Variants in IGF1R observed in about 807,000 individuals in gnomAD.
IGF1R encodes insulin-like growth factor 1 receptor.
IGF1R carries 44 observed loss-of-function variants against 144.6 expected under a neutral mutation model. The ratio of observed to expected loss-of-function variants is 0.30; its 90% CI spans 0.24 to 0.39. The LOEUF (loss-of-function observed/expected upper bound fraction) is 0.39. Among genes scored for constraint, IGF1R ranks in the 10% least tolerant of loss-of-function variants. The probability of loss-of-function intolerance (pLI) is 1.00; values close to 1 mark genes in which losing one functional copy is unlikely to be tolerated. For missense variants in IGF1R, 1,355 were observed against 1,833.7 expected (o/e 0.74, Z 4.77); for synonymous variants, 795 against 722.8 (o/e 1.10, Z -1.60).
At chr15:98,888,903 C>T (rs954809081) in intron 2 of IGF1R, among the ~76,000 whole-genome samples, 5 of 152,214 alleles carry the variant, frequency 3.3e-5, no homozygotes, top group African/African-American at 1.2e-4. Flanking sequence ...TCTCGCTTCA[C>T]CATTCTTGAT....
chr15:98,957,612 G>C lies in IGF1R; in HGVS notation c.*170G>C, dbSNP rs1024898041. 3.9e-6 allele frequency: 3 copies of C among 767,466 alleles called. No individual in the cohort carries two copies. The highest frequency in any genetic ancestry group is 3.8e-4 in the Middle Eastern group (1 of 2,658). The allele number at this position is 767,466 out of a possible 1,614,324, so 47.5% of individuals were successfully genotyped here. A position where few individuals can be genotyped will look rare whatever the true frequency, so the allele number is the denominator to read the frequency against. On this transcript the variant is annotated 3_prime_UTR_variant, in exon 21 of 21. Coordinates refer to ENST00000650285, the MANE Select transcript of IGF1R (RefSeq NM_000875.5). Reference sequence around the variant, plus strand: ...GCTTCTCTGCAGTAAAACACATTTGGGATGTTCCTTTTTTCAATATGCAAG... The same window carrying C: ...GCTTCTCTGCAGTAAAACACATTTGCGATGTTCCTTTTTTCAATATGCAAG...
intron 6 of IGF1R, among the ~76,000 whole-genome samples, chr15:98,909,576 A>C (rs1306745144): frequency 6.6e-6 from 1 of 152,156 alleles, no homozygotes; most frequent in Non-Finnish European, 1.5e-5. Flanking sequence ...TTTTCAGGGA[A>C]GAGCCAGTGT....
At chr15:98,902,490 T>C (rs1323092542) in intron 5 of IGF1R, among the ~76,000 whole-genome samples, 1 of 148,732 alleles carries the variant, frequency 6.7e-6, no homozygotes, top group Non-Finnish European at 1.5e-5. Flanking sequence ...CTGTCTCGGC[T>C]CACTGCACCC....
chr15:98,660,688 T>C (rs1390973132), intron 1 of IGF1R: 2 of 152,226 alleles, frequency 1.3e-5, no homozygotes, highest in Non-Finnish European at 2.9e-5. Context: ...GATTAGGCTT[T>C]TTGCACATTG....
At chr15:98,849,894 A>T (rs1345582345) in intron 2 of IGF1R, among the ~76,000 whole-genome samples, 1 of 152,212 alleles carries the variant, frequency 6.6e-6, no homozygotes, top group Non-Finnish European at 1.5e-5. Flanking sequence ...AAAAAATCCA[A>T]AATATTTGAT....
At chr15:98,748,618 C>T (rs964743009) in intron 2 of IGF1R, among the ~76,000 whole-genome samples, 12 of 152,172 alleles carry the variant, frequency 7.9e-5, no homozygotes, top group African/African-American at 2.7e-4. Context: ...CTGTAGGAAA[C>T]TGGAAAATTA....
At chr15:98,886,236 G>A (rs762935990) in intron 2 of IGF1R, among the ~76,000 whole-genome samples, 1 of 152,168 alleles carries the variant, frequency 6.6e-6, no homozygotes, top group Non-Finnish European at 1.5e-5. Context: ...TACATTCGAG[G>A]ACTCTGGAGA....
intron 2 of IGF1R, among the ~76,000 whole-genome samples, chr15:98,853,963 T>G (rs1299356215): frequency 6.6e-6 from 1 of 152,252 alleles, no homozygotes; most frequent in Non-Finnish European, 1.5e-5. Flanking sequence ...CTTGGATTTC[T>G]CTCTGTTTTT....
At chr15:98,710,697 G>C (rs13379678) in intron 2 of IGF1R, among the ~76,000 whole-genome samples, 7 of 139,344 alleles carry the variant, frequency 5.0e-5, no homozygotes, top group Non-Finnish European at 3.0e-5. Flanking sequence ...GCGGAGTTTC[G>C]CTCTCATCAC....
intron 1 of IGF1R, among the ~76,000 whole-genome samples, chr15:98,679,574 C>T (rs562163383): frequency 6.6e-6 from 1 of 152,242 alleles, no homozygotes; most frequent in South Asian, 2.1e-4. Flanking sequence ...TGGTGTAAGC[C>T]CACTGTGCTT....
intron 1 of IGF1R, among the ~76,000 whole-genome samples, chr15:98,662,494 C>T (rs2052623936): frequency 1.3e-5 from 2 of 152,092 alleles, no homozygotes; most frequent in South Asian, 4.2e-4. Flanking sequence ...GAGTATGGAA[C>T]CCTGTTTCTG....
chr15:98,687,883 C>T (rs1179993249), intron 1 of IGF1R, among the ~76,000 whole-genome samples: 1 of 145,532 alleles, frequency 6.9e-6, no homozygotes, highest in African/African-American at 2.8e-5. Flanking sequence ...GCCGAAGTTA[C>T]TTAACTTCCT....
rs1353303081 is a variant in IGF1R, at chr15:98,891,610, C to T, written c.926C>T (p.Ser309Leu). 1.2e-6 allele frequency: 2 copies of T among 1,602,196 alleles called. No individual in the cohort carries two copies. The highest frequency in any genetic ancestry group is 1.7e-5 in the Admixed American group (1 of 60,030). Reference protein sequence around the residue: ...HDGECMQECPSGFIRNGSQSM... With the variant: ...HDGECMQECPLGFIRNGSQSM... ...GGCGAGTGCATGCAGGAGTGCCCCT[C>T]GGGCTTCATCCGCAACGGCAGCCAG... The change falls in exon 3 of 21, where the codon TCG becomes TTG. Residue 309 changes from serine (S) to leucine (L), a missense_variant. Ser to Leu is a moderately radical substitution (Grantham distance 145). This residue lies in a region of IGF1R where 880 missense variants were observed against 1,202.7 expected (regional missense o/e 0.73). Coordinates refer to ENST00000650285, the MANE Select transcript of IGF1R (RefSeq NM_000875.5). The surrounding 1 kb of genome is among the most constrained non-coding windows in gnomAD (Gnocchi z 4.7).
At chr15:98,717,241 T>A (rs1244264021) in intron 2 of IGF1R, among the ~76,000 whole-genome samples, 1 of 152,174 alleles carries the variant, frequency 6.6e-6, no homozygotes, top group African/African-American at 2.4e-5. Flanking sequence ...AGACCTCACC[T>A]TCCTTCAGTG....
intron 2 of IGF1R, among the ~76,000 whole-genome samples, chr15:98,726,812 C>T (rs930026769): frequency 4.0e-5 from 6 of 151,110 alleles, no homozygotes; most frequent in Admixed American, 2.6e-4. Flanking sequence ...TTCCGCCTCC[C>T]GGGTTCAGGC....
Position 98,708,928 on chromosome 15 carries a change from A to C in IGF1R, c.640+821A>C, listed in dbSNP as rs562824257. On this transcript the variant is annotated intron_variant, in intron 2 of 20. Coordinates refer to ENST00000650285, the MANE Select transcript of IGF1R (RefSeq NM_000875.5). ...AGCTTCTTGTATATTTATCTGCAATATGCTTATTTTCCCTTGAGAATAACT... is the reference window on the plus strand; with the variant it reads ...AGCTTCTTGTATATTTATCTGCAATCTGCTTATTTTCCCTTGAGAATAACT... Among the ~76,000 whole-genome samples, 9 of 152,322 alleles carry C rather than the reference A, an allele frequency of 5.9e-5. No homozygotes were observed. The East Asian group carries it at 1.5e-3, about 26-fold the overall frequency.
chr15:98,830,604 T>C (rs116146609), intron 2 of IGF1R, among the ~76,000 whole-genome samples: 15 of 145,186 alleles, frequency 1.0e-4, no homozygotes, highest in African/African-American at 3.6e-4. Flanking sequence ...CTGATCATCA[T>C]CTTTTTTTTT....
Position 98,960,293 on chromosome 15 carries a change from T to G in IGF1R, c.*2851T>G. On this transcript the variant is annotated 3_prime_UTR_variant, in exon 21 of 21. Transcript: ENST00000650285. ...TCTGAGATGTCCTGTTTTGTGTTGC[T>G]TTTTTTGTTTTGTTTTCTATCTTGG... 8.2e-6 allele frequency: 1 copy of G among 121,704 alleles called. No individual in the cohort carries two copies. Among genetic ancestry groups the G allele is most frequent in the East Asian group, 8.5e-5 (1 of 11,760 alleles). 7.5% of individuals were successfully genotyped at this position (121,704 alleles called of 1,614,324 possible). A position where few individuals can be genotyped will look rare whatever the true frequency, so the allele number is the denominator to read the frequency against.
intron 2 of IGF1R, among the ~76,000 whole-genome samples, chr15:98,821,597 C>T (rs900564030): frequency 6.6e-6 from 1 of 152,144 alleles, no homozygotes; most frequent in African/African-American, 2.4e-5. Flanking sequence ...ATGCATGTTT[C>T]GAGATCCAGT....
Sources: gnomAD v4.1 joint callset for allele counts (sites outside exome capture counted in the v4.1 genomes callset) on GRCh38, gnomAD v4.1.1 for gene constraint, gnomAD v4.1.1 regional missense constraint, Gnocchi (gnomAD v3.1) non-coding constraint, MANE v1.5 for transcripts, NCBI Gene and HGNC (gene_info 2026-07-23, HGNC 2026-07-21) for gene names.